The following ADAMTS17 variants were observed in gnomAD, a reference collection of about 807,000 sequenced individuals.
ADAMTS17 encodes the protein ADAM metallopeptidase with thrombospondin type 1 motif 17.
ADAMTS17 carries 113 observed loss-of-function variants against 141.5 expected under a neutral mutation model. The observed-to-expected ratio is 0.80, with a 90% CI of 0.69 to 0.93. The LOEUF is 0.93. Ranked by LOEUF, ADAMTS17 falls within the 40% of genes least tolerant of loss-of-function variation. The probability of loss-of-function intolerance (pLI) is 0.00; values close to 1 mark genes in which losing one functional copy is unlikely to be tolerated. For synonymous variants in ADAMTS17, 768 were observed against 630.6 expected (o/e 1.22, Z -3.27); for missense variants, 1,659 against 1,517.9 (o/e 1.09, Z -1.54).
chr15:100,282,757 CA>C (rs1204845257), intron 3 of ADAMTS17, among the ~76,000 whole-genome samples: 4 of 151,300 alleles, frequency 2.6e-5, no homozygotes, highest in South Asian at 4.2e-4. Context: ...AAAAAAGTGG[CA>C]AAAAAATGGA....
intron 10 of ADAMTS17, among the ~76,000 whole-genome samples, chr15:100,148,966 T>C (rs2039038045): frequency 6.6e-6 from 1 of 151,858 alleles, no homozygotes; most frequent in Admixed American, 6.6e-5. Context: ...GGAAAACCAG[T>C]ACAGCTGGAA....
intron 15 of ADAMTS17, among the ~76,000 whole-genome samples, chr15:100,085,521 G>A (rs573030304): frequency 6.8e-4 from 103 of 151,834 alleles, no homozygotes; most frequent in African/African-American, 1.8e-3. Flanking sequence ...CGAGAAGAGC[G>A]ACTCCAAGAC....
chr15:100,341,124 G>T lies in ADAMTS17; in HGVS notation c.365C>A (p.Ala122Asp). 6.9e-7 allele frequency: 1 copy of T among 1,444,832 alleles called. No homozygotes were observed. Among genetic ancestry groups the T allele is most frequent in the Non-Finnish European group, 9.0e-7 (1 of 1,107,686 alleles). The allele number at this position is 1,444,832 out of a possible 1,614,324, so 89.5% of individuals were successfully genotyped here. A position where few individuals can be genotyped will look rare whatever the true frequency, so the allele number is the denominator to read the frequency against. The stretch of plus-strand genomic sequence containing the variant: ...ACGGCCCGAGTAGAAGCACAGCTCG[G>T]CGGGGCGGCCGCGGCGCCGGGCCGC... ...AGAARRRGRP[A>D]ELCFYSGRVL... Residue 122 changes from alanine to aspartate, a missense_variant, in exon 2 of 22, where the codon GCC becomes GAC. Coordinates refer to ENST00000268070, the MANE Select transcript of ADAMTS17 (RefSeq NM_139057.4).
chr15:100,020,112 A>G (rs1346857242), intron 18 of ADAMTS17, among the ~76,000 whole-genome samples: 1 of 152,218 alleles, frequency 6.6e-6, no homozygotes, highest in African/African-American at 2.4e-5. Context: ...GGCTGCAGAA[A>G]ACACCCAGGG....
At chr15:100,316,896 C>T (rs928781574) in intron 3 of ADAMTS17, among the ~76,000 whole-genome samples, 4 of 152,226 alleles carry the variant, frequency 2.6e-5, no homozygotes, top group African/African-American at 9.6e-5. Context: ...GCCACTAGGC[C>T]CATCCATGGC....
At chr15:100,013,328 C>T (rs2061223970) in intron 18 of ADAMTS17, among the ~76,000 whole-genome samples, 1 of 152,130 alleles carries the variant, frequency 6.6e-6, no homozygotes, top group African/African-American at 2.4e-5. Flanking sequence ...TACTGTCAGC[C>T]AACAGTCACA....
intron 8 of ADAMTS17, among the ~76,000 whole-genome samples, chr15:100,187,442 A>C (rs1423465224): frequency 6.6e-6 from 1 of 152,186 alleles, no homozygotes; most frequent in Non-Finnish European, 1.5e-5. Flanking sequence ...ACTGAAGACT[A>C]ATGCCAGGCA....
intron 17 of ADAMTS17, among the ~76,000 whole-genome samples, chr15:100,050,711 G>A (rs150418920): frequency 2.8e-4 from 43 of 152,328 alleles, no homozygotes; most frequent in Non-Finnish European, 5.0e-4. Flanking sequence ...GGCTATGCCC[G>A]GGGTTCCACT....
At chr15:100,225,359 G>C (rs886910527) in intron 7 of ADAMTS17, among the ~76,000 whole-genome samples, 10 of 152,270 alleles carry the variant, frequency 6.6e-5, no homozygotes, top group African/African-American at 1.9e-4. Context: ...GGACCCAAGA[G>C]GGGACAAAGG....
chr15:100,098,501 G>A (rs539574151), intron 14 of ADAMTS17, among the ~76,000 whole-genome samples: 13 of 152,092 alleles, frequency 8.5e-5, no homozygotes, highest in African/African-American at 3.1e-4. Flanking sequence ...ACAAAAATTA[G>A]CTAGGCATGG....
intron 15 of ADAMTS17, among the ~76,000 whole-genome samples, chr15:100,057,576 G>A (rs1397828941): frequency 3.3e-5 from 5 of 152,150 alleles, no homozygotes; most frequent in African/African-American, 4.8e-5. Context: ...CACCCACTGT[G>A]CCCATGACAC....
rs538726832 is a variant in ADAMTS17, at chr15:100,315,972, G to A, written c.616+14917C>T. On this transcript the variant is annotated intron_variant, in intron 3 of 21. Transcript: ENST00000268070. Reference sequence around the variant, plus strand: ...CTTTGGCCAAGCCTTGAACACTCCCGAGGAAATCTCCAAGCTGCTTTGTGG... The same window carrying A: ...CTTTGGCCAAGCCTTGAACACTCCCAAGGAAATCTCCAAGCTGCTTTGTGG... 6.6e-5 allele frequency among the ~76,000 whole-genome samples: 10 copies of A among 152,324 alleles called. No homozygotes were observed. In the South Asian group the frequency reaches 8.3e-4, roughly 13 times the overall value.
chr15:100,012,147 T>C (rs748597568), intron 18 of ADAMTS17, among the ~76,000 whole-genome samples: 1 of 152,246 alleles, frequency 6.6e-6, no homozygotes, highest in Non-Finnish European at 1.5e-5. Flanking sequence ...TCATTAGTGA[T>C]GCTGAGCATT....
At chr15:100,162,430 T>G (rs1371766290) in intron 8 of ADAMTS17, among the ~76,000 whole-genome samples, 4 of 144,468 alleles carry the variant, frequency 2.8e-5, no homozygotes, top group African/African-American at 1.0e-4. Context: ...AACTATATAG[T>G]TATATATACA....
At position 100,124,332 on chromosome 15, in the gene ADAMTS17, T is replaced by C. The variant is rs554555377; in HGVS notation, c.1722-7319A>G. Among the ~76,000 whole-genome samples, 54 of 152,322 alleles carry C rather than the reference T, an allele frequency of 3.5e-4. 1 individual carries two copies. The South Asian group carries it at 7.2e-3, about 20-fold the overall frequency. ...TACAAAACCAAACGGCTTGCATGGC[T>C]ACTTCACAAGAAAAGGATATCCAAA... On this transcript the variant is annotated intron_variant, in intron 12 of 21. Transcript: ENST00000268070.
chr15:100,013,421 G>A (rs2061225578), intron 18 of ADAMTS17, among the ~76,000 whole-genome samples: 1 of 152,134 alleles, frequency 6.6e-6, no homozygotes, highest in African/African-American at 2.4e-5. Context: ...CCAGTACTAT[G>A]TTGAAGAGGA....
At chr15:100,317,300 T>C (rs928426366) in intron 3 of ADAMTS17, among the ~76,000 whole-genome samples, 2 of 152,188 alleles carry the variant, frequency 1.3e-5, no homozygotes, top group Non-Finnish European at 2.9e-5. Context: ...GTAGTAATGA[T>C]GACGACTGAA....
At chr15:100,215,037 C>T (rs768270686) in intron 7 of ADAMTS17, among the ~76,000 whole-genome samples, 10 of 152,248 alleles carry the variant, frequency 6.6e-5, no homozygotes, top group Admixed American at 1.3e-4. Context: ...CCAACCCTCT[C>T]AATACAGAAT....
intron 2 of ADAMTS17, 114 bp downstream of exon 2, chr15:100,340,925 G>A (rs1001662245): frequency 2.8e-6 from 4 of 1,450,526 alleles, no homozygotes; most frequent in Admixed American, 2.0e-5. Flanking sequence ...GGTTCCCTCC[G>A]GTTCCCCTGG....
Sources: gnomAD v4.1 joint callset for allele counts (sites outside exome capture counted in the v4.1 genomes callset) on GRCh38, gnomAD v4.1.1 for gene constraint, MANE v1.5 for transcripts, NCBI Gene and HGNC (gene_info 2026-07-23, HGNC 2026-07-21) for gene names.